The following MINK1 variants were observed in gnomAD, a reference collection of about 807,000 sequenced individuals.
The protein encoded by MINK1 is misshapen-like kinase 1.
MINK1 carries 46 observed loss-of-function variants against 178.4 expected under a neutral mutation model. The ratio of observed to expected loss-of-function variants is 0.26; its 90% CI spans 0.20 to 0.33. The LOEUF is 0.33. Among genes scored for constraint, MINK1 ranks in the 10% least tolerant of loss-of-function variants. The probability of loss-of-function intolerance (pLI) is 1.00; values close to 1 mark genes in which losing one functional copy is unlikely to be tolerated. For synonymous variants in MINK1, 797 were observed against 709.7 expected (o/e 1.12, Z -1.96); for missense variants, 1,366 against 1,814.9 (o/e 0.75, Z 4.49).
chr17:4,865,200 G>T (rs372786807), intron 1 of MINK1, among the ~76,000 whole-genome samples: 3 of 152,162 alleles, frequency 2.0e-5, no homozygotes. Context: ...GGAGGCCGAG[G>T]CGGGCAGATC....
chr17:4,854,386 G>A (rs1912681440), intron 1 of MINK1, among the ~76,000 whole-genome samples: 1 of 152,224 alleles, frequency 6.6e-6, no homozygotes, highest in African/African-American at 2.4e-5. Flanking sequence ...AGATCTGTGG[G>A]GAACCTAGAC....
At chr17:4,888,938 G>A (rs192492078) in intron 12 of MINK1, among the ~76,000 whole-genome samples, 1 of 152,192 alleles carries the variant, frequency 6.6e-6, no homozygotes, top group Non-Finnish European at 1.5e-5. Flanking sequence ...GACCTCAGGT[G>A]ATCCACCTGC....
Position 4,890,661 on chromosome 17 carries a change from C to G in MINK1, c.1492C>G (p.Pro498Ala). 6.4e-7 allele frequency: 1 copy of G among 1,551,630 alleles called. No homozygotes were observed. Among genetic ancestry groups the G allele is most frequent in the Non-Finnish European group, 8.7e-7 (1 of 1,147,350 alleles). The change falls in exon 14 of 32, where the codon CCT becomes GCT. Residue 498 changes from proline to alanine, a missense_variant. Pro to Ala is a conservative substitution (Grantham distance 27). Coordinates refer to ENST00000355280, the MANE Select transcript of MINK1 (RefSeq NM_153827.5). ...LQKQQQQQLL[P>A]GDRKPLYHYG... ...GAAACAGCAGCAGCAGCAGCTCCTG[C>G]CTGGGGACAGGAAGCCCCTGTACCA...
chr17:4,878,229 T>A, intron 1 of MINK1, 88 bp from the exon 2 acceptor site: 7 of 1,233,816 alleles, frequency 5.7e-6, no homozygotes, highest in Non-Finnish European at 8.0e-6. Context: ...CACTCCCATA[T>A]CTTGACTGGA....
chr17:4,873,237 T>A lies in MINK1; in HGVS notation c.58-5080T>A, dbSNP rs531813402. On this transcript the variant is annotated intron_variant, in intron 1 of 31. Coordinates refer to ENST00000355280, the MANE Select transcript of MINK1 (RefSeq NM_153827.5). ...TCCAACTCTTACACTCACGAATGTCTGTAAATTGTATTTACAGATCCTTGT... is the reference window on the plus strand; with the variant it reads ...TCCAACTCTTACACTCACGAATGTCAGTAAATTGTATTTACAGATCCTTGT... 2.4e-4 allele frequency among the ~76,000 whole-genome samples: 36 copies of A among 152,356 alleles called. No individual in the cohort carries two copies. In the South Asian group the frequency reaches 6.8e-3, roughly 29 times the overall value.
At position 4,889,653 on chromosome 17, in the gene MINK1, C is replaced by T. The variant is rs910962258; in HGVS notation, c.1237C>T (p.Arg413Trp). 1.3e-6 allele frequency: 2 copies of T among 1,569,820 alleles called. No homozygotes were observed. Among genetic ancestry groups the T allele is most frequent in the Admixed American group, 1.9e-5 (1 of 53,928 alleles). Residue 413 changes from arginine to tryptophan, a missense_variant, in exon 13 of 32, where the codon CGG becomes TGG. Physicochemically the swap from Arg to Trp is moderately radical, Grantham distance 101. Coordinates refer to ENST00000355280, the MANE Select transcript of MINK1 (RefSeq NM_153827.5). ...CACCTGGCTCTCCCCACAGCAACAG[C>T]GGCGGGAGCGGGAGCAGCGGAAGCT... Reference protein sequence around the residue: ...EERRRVEEQQRREREQRKLQE... With the variant: ...EERRRVEEQQWREREQRKLQE...
At chr17:4,876,558 C>G (rs189717482) in intron 1 of MINK1, among the ~76,000 whole-genome samples, 1 of 152,064 alleles carries the variant, frequency 6.6e-6, no homozygotes, top group Non-Finnish European at 1.5e-5. Flanking sequence ...CTTTTATTGG[C>G]ATGGATGTGG....
chr17:4,861,164 A>C (rs1461695205), intron 1 of MINK1, among the ~76,000 whole-genome samples: 1 of 152,192 alleles, frequency 6.6e-6, no homozygotes, highest in African/African-American at 2.4e-5. Context: ...AACAGGAGCA[A>C]ACCACAGGCA....
chr17:4,833,620 A>C lies in MINK1; in HGVS notation c.37A>C (p.Ile13Leu). 6.7e-7 allele frequency: 1 copy of C among 1,500,986 alleles called. No individual in the cohort carries two copies. The highest frequency in any genetic ancestry group is 8.8e-7 in the Non-Finnish European group (1 of 1,131,776). The allele number at this position is 1,500,986 out of a possible 1,614,324, so 93.0% of individuals were successfully genotyped here. A position where few individuals can be genotyped will look rare whatever the true frequency, so the allele number is the denominator to read the frequency against. The stretch of plus-strand genomic sequence containing the variant: ...AGCCCCCGCCCGCAGCCTGGACGAC[A>C]TCGACCTGTCCGCCCTGCGGGTGAG... ...DPAPARSLDD[I>L]DLSALRDPAG... The change falls in exon 1 of 32, where the codon ATC (isoleucine) becomes CTC (leucine). Residue 13 changes from isoleucine (I) to leucine (L), a missense_variant. By Grantham distance (5) the Ile-to-Leu change is conservative (BLOSUM62 2). Transcript: ENST00000355280. This position sits in a 1 kb window ranked among gnomAD's most constrained non-coding sequence, Gnocchi z 4.8.
intron 1 of MINK1, among the ~76,000 whole-genome samples, chr17:4,852,033 A>G (rs944434296): frequency 6.7e-6 from 1 of 150,332 alleles, no homozygotes; most frequent in Non-Finnish European, 1.5e-5. Context: ...AAAAACTAAG[A>G]AAGTCCACTC....
chr17:4,884,866 A>G (rs1597528531), intron 5 of MINK1, 46 bp from the exon 6 acceptor site: 33 of 1,552,166 alleles, frequency 2.1e-5, no homozygotes, highest in Non-Finnish European at 2.9e-5. Flanking sequence ...ACTCTTTCCT[A>G]CCCCATCCAA....
intron 12 of MINK1, among the ~76,000 whole-genome samples, chr17:4,888,991 C>T (rs913530029): frequency 2.0e-5 from 3 of 152,148 alleles, no homozygotes; most frequent in Non-Finnish European, 4.4e-5. Flanking sequence ...TGAGCCACCG[C>T]GCCCAGCCAC....
chr17:4,897,120 CCCCTTCTT>C (rs1292668213), intron 31 of MINK1, 76 bp from the exon 32 acceptor site: 29 of 1,166,796 alleles, frequency 2.5e-5, no homozygotes, highest in East Asian at 2.0e-4. Context: ...TCTTCTGCCA[CCCCTTCTT>C]CCCTTCTTTC....
In MINK1 at chr17:4,891,200, G is replaced by GCGCACACA. The variant is rs781594150; in HGVS notation, c.1740+77_1740+78insGCACACAC. On this transcript the variant is annotated intron_variant, in intron 15 of 31. Coordinates refer to ENST00000355280, the MANE Select transcript of MINK1 (RefSeq NM_153827.5). The stretch of plus-strand genomic sequence containing the variant: ...AGAGCACAGGTACACACACACGCGC[G>GCGCACACA]CACACACACACACACACACACACAC... 2.3e-3 allele frequency: 2,295 copies of GCGCACACA among 1,002,232 alleles called. 4 individuals are homozygous for GCGCACACA. The highest frequency in any genetic ancestry group is 0.014 in the African/African-American group (784 of 57,890). 62.1% of individuals were successfully genotyped at this position (1,002,232 alleles called of 1,614,324 possible).
At chr17:4,882,685 AAGC>A (rs2150999381) in intron 4 of MINK1, among the ~76,000 whole-genome samples, 1 of 152,354 alleles carries the variant, frequency 6.6e-6, no homozygotes, top group African/African-American at 2.4e-5. Context: ...TGTACCACGA[AAGC>A]AGCAATAGTC....
At chr17:4,870,813 A>T (rs1915775164) in intron 1 of MINK1, among the ~76,000 whole-genome samples, 1 of 152,238 alleles carries the variant, frequency 6.6e-6, no homozygotes, top group Non-Finnish European at 1.5e-5. Context: ...CAACAAAGTG[A>T]GACCCTGTCT....
At position 4,840,831 on chromosome 17, in the gene MINK1, C is replaced by T. The variant is rs555425418; in HGVS notation, c.57+7191C>T. Among the ~76,000 whole-genome samples the T allele has an allele frequency of 6.6e-5, 10 of 152,188 alleles. No homozygotes were observed. The South Asian group carries it at 1.9e-3, about 28-fold the overall frequency. Reference sequence around the variant, plus strand: ...GGGGAAGCCACAAGTCTTGGGCTTCCTGAAGGAGCCAGGCTCTGGGACCAG... The same window carrying T: ...GGGGAAGCCACAAGTCTTGGGCTTCTTGAAGGAGCCAGGCTCTGGGACCAG... On this transcript the variant is annotated intron_variant, in intron 1 of 31. Coordinates refer to ENST00000355280, the MANE Select transcript of MINK1 (RefSeq NM_153827.5).
At chr17:4,841,898 T>C (rs1910281745) in intron 1 of MINK1, among the ~76,000 whole-genome samples, 1 of 150,820 alleles carries the variant, frequency 6.6e-6, no homozygotes, top group Non-Finnish European at 1.5e-5. Context: ...CTCCAGGGGG[T>C]GTTCGGAAAT....
chr17:4,877,796 T>C (rs1025144912), intron 1 of MINK1, among the ~76,000 whole-genome samples: 7 of 149,822 alleles, frequency 4.7e-5, no homozygotes, highest in Non-Finnish European at 7.4e-5. Context: ...CTGACTTCCA[T>C]GTTCTCTCAC....
Sources: allele counts gnomAD v4.1 joint callset (sites outside exome capture counted in the v4.1 genomes callset), GRCh38; gene constraint gnomAD v4.1.1; non-coding constraint Gnocchi (gnomAD v3.1); transcripts MANE v1.5; gene names NCBI Gene and HGNC (gene_info 2026-07-23, HGNC 2026-07-21).